SLC36A2: variants seen among roughly 807,000 people sequenced by gnomAD.
The protein encoded by SLC36A2 is solute carrier family 36 member 2.
In SLC36A2, 39 loss-of-function variants were observed where a neutral mutation model predicts 42.7. That is an observed-to-expected ratio of 0.91 (90% CI 0.71 to 1.19). The LOEUF is 1.19. Among genes scored for constraint, SLC36A2 ranks in the 50% most tolerant of loss-of-function variants. SLC36A2 has a pLI of 0.00. For missense variants in SLC36A2, 590 were observed against 613.7 expected (o/e 0.96, Z 0.41); for synonymous variants, 237 against 240.8 (o/e 0.98, Z 0.15).
chr5:151,347,429 T>A lies in SLC36A2; in HGVS notation c.32A>T (p.Gln11Leu), dbSNP rs1756529480. ...GTCCAATTTGATGGCAACGGCTCCC[T>A]GGGGACCCTCAGTACTTTTTGTCAC... is the stretch of plus-strand genomic sequence containing the variant. MSVTKSTEGP[Q>L]GAVAIKLDLM... Residue 11 changes from glutamine (Q) to leucine (L), a missense_variant, in exon 1 of 10, where the codon CAG becomes CTG. By Grantham distance (113) the Gln-to-Leu change is moderately radical. Coordinates refer to ENST00000335244, the MANE Select transcript of SLC36A2 (RefSeq NM_181776.3). 1.9e-6 allele frequency: 3 copies of A among 1,614,188 alleles called. No homozygotes were observed. The South Asian group carries it at 3.3e-5, about 18-fold the overall frequency.
At chr5:151,333,614 A>G (rs1756060121) in intron 6 of SLC36A2, among the ~76,000 whole-genome samples, 1 of 152,210 alleles carries the variant, frequency 6.6e-6, no homozygotes, top group Non-Finnish European at 1.5e-5. Context: ...CTGTAATCCC[A>G]GCACTTTGGG....
At chr5:151,339,009 G>T in intron 5 of SLC36A2, 51 bp downstream of exon 5, 1 of 1,307,296 alleles carries the variant, frequency 7.6e-7, no homozygotes. Context: ...AACTAGCAGT[G>T]GCGTGTCCTT....
At chr5:151,342,684 G>A (rs141335601) in intron 4 of SLC36A2, among the ~76,000 whole-genome samples, 222 of 152,270 alleles carry the variant, frequency 1.5e-3, no homozygotes, top group African/African-American at 5.0e-3. Flanking sequence ...TTAAAGCTGC[G>A]TAGCAAAGGA....
In SLC36A2 at chr5:151,342,883, G is replaced by T. The variant is rs772977398; in HGVS notation, c.440+5C>A. The T allele has an allele frequency of 6.2e-7, 1 of 1,613,734 alleles. No homozygotes were observed. The highest frequency in any genetic ancestry group is 8.5e-7 in the Non-Finnish European group (1 of 1,179,648). On this transcript the variant is annotated splice_donor_5th_base_variant and intron_variant, in intron 4 of 9. Transcript: ENST00000335244. ...CCCACTGCAGGCAAAGCAAGAACAG[G>T]TTACCTTCCCCAGTGAGCGTGATTC... is the stretch of plus-strand genomic sequence containing the variant.
Position 151,316,190 on chromosome 5 carries a change from G to A in SLC36A2, c.*627C>T, listed in dbSNP as rs2127281047. 1 of 153,280 alleles carries A rather than the reference G, an allele frequency of 6.5e-6. No homozygotes were observed. The highest frequency in any genetic ancestry group is 6.5e-5 in the Admixed American group (1 of 15,418). The allele number at this position is 153,280 out of a possible 1,614,324, so 9.5% of individuals were successfully genotyped here. A position where few individuals can be genotyped will look rare whatever the true frequency, so the allele number is the denominator to read the frequency against. ...TCCTTTGGCCAGTTGCTGCCACTTG[G>A]GGCCCTCTGGTGGCTGCTTCTTGCA... is the stretch of plus-strand genomic sequence containing the variant. On this transcript the variant is annotated 3_prime_UTR_variant, in exon 10 of 10. Transcript: ENST00000335244.
chr5:151,334,473 T>C (rs527483203), intron 6 of SLC36A2, among the ~76,000 whole-genome samples: 70 of 152,124 alleles, frequency 4.6e-4, no homozygotes, highest in African/African-American at 1.7e-3. Context: ...GGGGGATCAC[T>C]TGAGGTCAGG....
intron 9 of SLC36A2, among the ~76,000 whole-genome samples, chr5:151,320,357 G>A (rs1008999780): frequency 5.3e-5 from 8 of 150,678 alleles, no homozygotes; most frequent in Admixed American, 3.3e-4. Context: ...GTTATTACTC[G>A]GTGTACTGAT....
chr5:151,316,759 A>AAAAC lies in SLC36A2; in HGVS notation c.*57_*58insGTTT, dbSNP rs1755504182. On this transcript the variant is annotated 3_prime_UTR_variant, in exon 10 of 10. Coordinates refer to ENST00000335244, the MANE Select transcript of SLC36A2 (RefSeq NM_181776.3). ...CCGTCTCAAAAAAAAAAAAAAAAAA[A>AAAAC]AAAAGAGATCCATATAATTAAAAGT... is the stretch of plus-strand genomic sequence containing the variant. 6.5e-7 allele frequency: 1 copy of AAAAC among 1,541,996 alleles called. No individual in the cohort carries two copies. The highest frequency in any genetic ancestry group is 1.4e-5 in the African/African-American group (1 of 71,406).
chr5:151,340,709 A>G (rs962984380), intron 4 of SLC36A2, among the ~76,000 whole-genome samples: 1 of 152,234 alleles, frequency 6.6e-6, no homozygotes, highest in African/African-American at 2.4e-5. Flanking sequence ...GGCAAGGAAG[A>G]TACAACAAGA....
chr5:151,331,291 C>T (rs1755989237), intron 7 of SLC36A2, among the ~76,000 whole-genome samples: 1 of 151,900 alleles, frequency 6.6e-6, no homozygotes, highest in Non-Finnish European at 1.5e-5. Context: ...TTCTTTCTTT[C>T]TTTCTTTCTT....
At chr5:151,325,485 G>C in intron 7 of SLC36A2, 33 bp from the exon 8 acceptor site, 1 of 1,611,528 alleles carries the variant, frequency 6.2e-7, no homozygotes, top group Non-Finnish European at 8.5e-7. Flanking sequence ...GAAGGAGAAA[G>C]AGTAACATGA....
In SLC36A2 at chr5:151,339,120, A is replaced by G; in HGVS notation, c.465T>C (p.Ile155=). The G allele has an allele frequency of 6.2e-7, 1 of 1,609,220 alleles. No individual in the cohort carries two copies. Among genetic ancestry groups the G allele is most frequent in the Non-Finnish European group, 8.5e-7 (1 of 1,176,694 alleles). Reference sequence around the variant, plus strand: ...CACAGCAGAAGCCAAGTTGGGTGATAATAAGGAAGAAGCTCACGATATGCC... The same window carrying G: ...CACAGCAGAAGCCAAGTTGGGTGATGATAAGGAAGAAGCTCACGATATGCC... ...WGRHIVSFFL[I]ITQLGFCCVY... is the part of the protein sequence containing the mutation. The change falls in exon 5 of 10, where the codon ATT becomes ATC. Residue 155 remains isoleucine (I), a synonymous_variant. Coordinates refer to ENST00000335244, the MANE Select transcript of SLC36A2 (RefSeq NM_181776.3).
At chr5:151,327,332 TG>T (rs1467379532) in intron 7 of SLC36A2, among the ~76,000 whole-genome samples, 3 of 152,222 alleles carry the variant, frequency 2.0e-5, no homozygotes, top group Non-Finnish European at 4.4e-5. Context: ...AGATTCAGGT[TG>T]TAGACCAGGG....
At chr5:151,321,427 G>A (rs150618694) in intron 9 of SLC36A2, among the ~76,000 whole-genome samples, 6,424 of 147,270 alleles carry the variant, frequency 0.044, 179 homozygotes, top group African/African-American at 0.062. Context: ...CAAGCAATCC[G>A]CCTGCCTTGA....
intron 9 of SLC36A2, among the ~76,000 whole-genome samples, chr5:151,318,835 A>G (rs1755598887): frequency 2.0e-5 from 3 of 152,108 alleles, no homozygotes; most frequent in Admixed American, 1.3e-4. Flanking sequence ...CGAAAAGCTA[A>G]AAATTTTGAA....
intron 4 of SLC36A2, among the ~76,000 whole-genome samples, chr5:151,339,453 G>A (rs1756256765): frequency 6.6e-6 from 1 of 152,122 alleles, no homozygotes; most frequent in South Asian, 2.1e-4. Flanking sequence ...TGGGATTACA[G>A]GCATGTGCCA....
At chr5:151,332,147 G>A (rs780226356) in intron 7 of SLC36A2, among the ~76,000 whole-genome samples, 7 of 151,980 alleles carry the variant, frequency 4.6e-5, no homozygotes, top group African/African-American at 1.5e-4. Flanking sequence ...GATTACCGAC[G>A]TGAACCACCG....
chr5:151,340,837 A>G (rs913844661), intron 4 of SLC36A2, among the ~76,000 whole-genome samples: 1 of 152,204 alleles, frequency 6.6e-6, no homozygotes, highest in Non-Finnish European at 1.5e-5. Context: ...AGGGTGGTCC[A>G]GTGTTGATGG....
At chr5:151,318,728 A>C (rs1278083572) in intron 9 of SLC36A2, among the ~76,000 whole-genome samples, 2 of 151,726 alleles carry the variant, frequency 1.3e-5, no homozygotes, top group Non-Finnish European at 2.9e-5. Flanking sequence ...TATAATACAA[A>C]GAGATCTTCA....
Sources: gnomAD v4.1 joint callset for allele counts (sites outside exome capture counted in the v4.1 genomes callset) on GRCh38, gnomAD v4.1.1 for gene constraint, MANE v1.5 for transcripts, NCBI Gene and HGNC (gene_info 2026-07-23, HGNC 2026-07-21) for gene names.